The following TRAK1 variants were observed in gnomAD, a reference collection of about 807,000 sequenced individuals.
TRAK1 encodes trafficking kinesin-binding protein 1.
TRAK1 carries 33 observed loss-of-function variants against 92.1 expected under a neutral mutation model. The observed-to-expected ratio is 0.36, with a 90% CI of 0.27 to 0.48. The LOEUF is 0.48. TRAK1 is among the 20% of genes least tolerant of loss of function. The pLI, the probability that TRAK1 is intolerant of heterozygous loss-of-function variation, is 0.99. For missense variants in TRAK1, 1,123 were observed against 1,257.9 expected, an observed-to-expected ratio of 0.89 and a Z score of 1.62; for synonymous variants, 521 against 517.3, an observed-to-expected ratio of 1.01 and a Z score of -0.10.
At chr3:42,129,505 T>C (rs1474674994) in intron 2 of TRAK1, among the ~76,000 whole-genome samples, 4 of 152,154 alleles carry the variant, frequency 2.6e-5, no homozygotes, top group African/African-American at 9.7e-5. Flanking sequence ...GCGAGAAAGC[T>C]TTGGGCATCC....
At position 42,224,912 on chromosome 3, in the gene TRAK1, C is replaced by T. The variant is rs979390143; in HGVS notation, c.*1175C>T. Reference sequence around the variant, plus strand: ...CATGCTTTTCCTTCTTGTTTCAGAACAGCACATGGTCACAACAAGATATTT... The same window carrying T: ...CATGCTTTTCCTTCTTGTTTCAGAATAGCACATGGTCACAACAAGATATTT... On this transcript the variant is annotated 3_prime_UTR_variant, in exon 16 of 16. Coordinates refer to ENST00000327628, the MANE Select transcript of TRAK1 (RefSeq NM_001042646.3). 4 of 152,184 alleles carry T rather than the reference C, an allele frequency of 2.6e-5. No homozygotes were observed. The highest frequency in any genetic ancestry group is 2.6e-4 in the Admixed American group (4 of 15,276). 9.4% of individuals were successfully genotyped at this position (152,184 alleles called of 1,614,324 possible).
At chr3:42,081,922 C>T (rs1439790566) in intron 1 of TRAK1, among the ~76,000 whole-genome samples, 2 of 152,158 alleles carry the variant, frequency 1.3e-5, no homozygotes. Context: ...CTTGAATTTA[C>T]TGGGTGAAAG....
intron 2 of TRAK1, among the ~76,000 whole-genome samples, chr3:42,166,876 A>G (rs1701931125): frequency 6.6e-6 from 1 of 152,226 alleles, no homozygotes; most frequent in Non-Finnish European, 1.5e-5. Flanking sequence ...CCACACAGAC[A>G]TGGGTAATGG....
At chr3:42,059,051 A>G (rs779166480) in intron 1 of TRAK1, among the ~76,000 whole-genome samples, 2 of 152,166 alleles carry the variant, frequency 1.3e-5, no homozygotes, top group Non-Finnish European at 2.9e-5. Flanking sequence ...TATACACACA[A>G]ATATACATAC....
At chr3:42,164,736 A>C (rs185093754) in intron 2 of TRAK1, among the ~76,000 whole-genome samples, 10 of 152,310 alleles carry the variant, frequency 6.6e-5, no homozygotes, top group Admixed American at 6.5e-4. Context: ...AAACTTGCAC[A>C]ATGAGAAAGC....
rs879186960 is a variant in TRAK1, at chr3:42,223,490, C to T, written c.2615C>T (p.Pro872Leu). Residue 872 changes from proline to leucine, a missense_variant, in exon 16 of 16, where the codon CCC becomes CTC. Physicochemically the swap from Pro to Leu is moderately conservative, Grantham distance 98. This residue lies in a region of TRAK1 where 401 missense variants were observed against 438.9 expected (regional missense o/e 0.91). Transcript: ENST00000327628. The surrounding 1 kb of genome is among the most constrained non-coding windows in gnomAD (Gnocchi z 6.1). ...HVPTLTEEQG[P>L]LLCGPPGPAP... ...CCCACCTTGACTGAGGAGCAGGGACCCCTCCTCTGTGGGCCCCCGGGGCCA... is the reference window on the plus strand; with the variant it reads ...CCCACCTTGACTGAGGAGCAGGGACTCCTCCTCTGTGGGCCCCCGGGGCCA... The T allele has an allele frequency of 6.2e-7, 1 of 1,613,704 alleles. No homozygotes were observed. Among genetic ancestry groups the T allele is most frequent in the South Asian group, 1.1e-5 (1 of 91,088 alleles).
chr3:42,085,638 T>G (rs1438132995), upstream of TRAK1, among the ~76,000 whole-genome samples: 1 of 152,210 alleles, frequency 6.6e-6, no homozygotes, highest in African/African-American at 2.4e-5. Flanking sequence ...TTGGGGGAAA[T>G]GTCTATTAAC....
At chr3:42,084,423 A>T (rs531658762), upstream of TRAK1, among the ~76,000 whole-genome samples, 132 of 152,356 alleles carry the variant, frequency 8.7e-4, no homozygotes, top group Admixed American at 1.8e-3. Context: ...GTAAGACTCC[A>T]TATTTTTAAA....
chr3:42,119,374 T>A (rs1037957864), intron 1 of TRAK1, among the ~76,000 whole-genome samples: 9 of 151,744 alleles, frequency 5.9e-5, no homozygotes, highest in Admixed American at 4.6e-4. Flanking sequence ...GTGAAAAAAA[T>A]GTGTTTGGAA....
At chr3:42,101,911 T>A (rs1706813432) in intron 1 of TRAK1, among the ~76,000 whole-genome samples, 1 of 152,200 alleles carries the variant, frequency 6.6e-6, no homozygotes, top group Admixed American at 6.5e-5. Flanking sequence ...GTTATTAAGC[T>A]GTAAACAGTC....
At chr3:42,029,972 A>G (rs1702059168) in intron 1 of TRAK1, among the ~76,000 whole-genome samples, 1 of 152,106 alleles carries the variant, frequency 6.6e-6, no homozygotes, top group African/African-American at 2.4e-5. Flanking sequence ...GGAGAGTGGT[A>G]GAAGGTGGCA....
At chr3:42,197,404 G>A (rs572894755) in intron 10 of TRAK1, among the ~76,000 whole-genome samples, 1 of 152,260 alleles carries the variant, frequency 6.6e-6, no homozygotes, top group South Asian at 2.1e-4. Flanking sequence ...GCCATGTAAG[G>A]AGTTGTTATA....
At chr3:42,155,983 A>C (rs1336348419) in intron 2 of TRAK1, among the ~76,000 whole-genome samples, 2 of 152,174 alleles carry the variant, frequency 1.3e-5, no homozygotes, top group African/African-American at 4.8e-5. Flanking sequence ...CTTCCTGTCC[A>C]GTGTTCCTGG....
At chr3:42,142,424 G>A (rs1273194277) in intron 2 of TRAK1, among the ~76,000 whole-genome samples, 1 of 152,120 alleles carries the variant, frequency 6.6e-6, no homozygotes, top group African/African-American at 2.4e-5. Flanking sequence ...GGAATTTGGG[G>A]CCCCAGTGTG....
At chr3:42,111,399 CTTTT>C (rs137998949) in intron 1 of TRAK1, among the ~76,000 whole-genome samples, 1 of 145,390 alleles carries the variant, frequency 6.9e-6, no homozygotes, top group African/African-American at 2.5e-5. Context: ...TATGATAATC[CTTTT>C]TTTTTTTTTT....
rs1692365267 is a variant in TRAK1, at chr3:42,193,069, T to A, written c.770-6T>A. On this transcript the variant is annotated splice_region_variant and splice_polypyrimidine_tract_variant and intron_variant, in intron 7 of 15. Coordinates refer to ENST00000327628, the MANE Select transcript of TRAK1 (RefSeq NM_001042646.3). ...TCCTCTCCTGATTGTTGCTTCTTTG[T>A]CAAAGGGGATGCCAATGTCCAGATT... is the stretch of plus-strand genomic sequence containing the variant. 1 of 1,613,612 alleles carries A rather than the reference T, an allele frequency of 6.2e-7. No individual in the cohort carries two copies. The highest frequency in any genetic ancestry group is 1.3e-5 in the African/African-American group (1 of 74,918).
chr3:42,199,322 C>A, intron 11 of TRAK1, 69 bp downstream of exon 11: 1 of 1,517,824 alleles, frequency 6.6e-7, no homozygotes, highest in Non-Finnish European at 9.1e-7. Context: ...TGTTCAAAAC[C>A]TAGCAATGTT....
intron 2 of TRAK1, among the ~76,000 whole-genome samples, chr3:42,126,950 T>C (rs1327666816): frequency 1.3e-5 from 2 of 152,198 alleles, no homozygotes; most frequent in African/African-American, 4.8e-5. Context: ...ATATGGATAA[T>C]AACAGAATAA....
chr3:42,121,253 G>A (rs1709810610), intron 1 of TRAK1, among the ~76,000 whole-genome samples: 1 of 151,470 alleles, frequency 6.6e-6, no homozygotes, highest in Non-Finnish European at 1.5e-5. Flanking sequence ...GCATTCCTGG[G>A]GAATTCTTTT....
Sources: gnomAD v4.1 joint callset for allele counts (sites outside exome capture counted in the v4.1 genomes callset) on GRCh38, gnomAD v4.1.1 for gene constraint, gnomAD v4.1.1 regional missense constraint, Gnocchi (gnomAD v3.1) non-coding constraint, MANE v1.5 for transcripts, NCBI Gene and HGNC (gene_info 2026-07-23, HGNC 2026-07-21) for gene names.